The following SNAP29 variants were observed in gnomAD, a reference collection of about 807,000 sequenced individuals.
SNAP29 encodes the protein synaptosomal-associated protein 29.
SNAP29 carries 13 observed loss-of-function variants against 27.9 expected under a neutral mutation model. The ratio of observed to expected loss-of-function variants is 0.47; its 90% CI spans 0.30 to 0.74. The LOEUF (loss-of-function observed/expected upper bound fraction) is 0.74. Among genes scored for constraint, SNAP29 ranks in the 30% least tolerant of loss-of-function variants. The pLI is 0.06. For synonymous variants in SNAP29, 119 were observed against 127.1 expected, an observed-to-expected ratio of 0.94 and a Z score of 0.43; for missense variants, 368 against 336.5, an observed-to-expected ratio of 1.09 and a Z score of -0.73.
At chr22:20,877,902 A>G (rs572978393) in intron 2 of SNAP29, among the ~76,000 whole-genome samples, 36 of 152,170 alleles carry the variant, frequency 2.4e-4, no homozygotes, top group South Asian at 2.3e-3. Flanking sequence ...GTCTCTTCCT[A>G]CTCCCAGCAT....
chr22:20,869,077 G>A (rs954955712), intron 1 of SNAP29, among the ~76,000 whole-genome samples: 1 of 152,198 alleles, frequency 6.6e-6, no homozygotes, highest in African/African-American at 2.4e-5. Context: ...GGGCCAACAT[G>A]GTGAAACCCC....
intron 2 of SNAP29, 89 bp downstream of exon 2, chr22:20,870,622 T>A: frequency 8.2e-7 from 1 of 1,219,496 alleles, no homozygotes; most frequent in Non-Finnish European, 1.2e-6. Flanking sequence ...GTCAGTGCCA[T>A]GAAGGGATCC....
chr22:20,890,316 A>G lies in SNAP29; in HGVS notation c.*2480A>G, dbSNP rs1929119144. On this transcript the variant is annotated 3_prime_UTR_variant, in exon 5 of 5. Coordinates refer to ENST00000215730, the MANE Select transcript of SNAP29 (RefSeq NM_004782.4). ...TAGACACATTTCATGGAGACAAGCAAAATGGTGCCAGGGCTGGGCTGACTG... is the reference window on the plus strand; with the variant it reads ...TAGACACATTTCATGGAGACAAGCAGAATGGTGCCAGGGCTGGGCTGACTG... The G allele has an allele frequency of 2.5e-6, 1 of 398,514 alleles. No homozygotes were observed. Among genetic ancestry groups the G allele is most frequent in the African/African-American group, 2.1e-5 (1 of 48,638 alleles). 24.7% of individuals were successfully genotyped at this position (398,514 alleles called of 1,614,324 possible).
intron 2 of SNAP29, among the ~76,000 whole-genome samples, chr22:20,878,321 C>G (rs1252111141): frequency 1.3e-5 from 2 of 152,058 alleles, no homozygotes; most frequent in Non-Finnish European, 2.9e-5. Context: ...GCGGGCAGAT[C>G]ATGAGGTCAG....
intron 4 of SNAP29, among the ~76,000 whole-genome samples, chr22:20,887,224 CAA>C (rs947412288): frequency 7.7e-5 from 8 of 104,570 alleles, no homozygotes; most frequent in African/African-American, 3.6e-5. Context: ...AATGCTGTCT[CAA>C]AAAAAAAAAA....
chr22:20,878,431 A>T lies in SNAP29; in HGVS notation c.435-2618A>T, dbSNP rs143993401. 8.0e-3 allele frequency among the ~76,000 whole-genome samples: 1,213 copies of T among 152,152 alleles called. 12 individuals are homozygous for T. Among genetic ancestry groups the T allele is most frequent in the East Asian group, 0.054 (281 of 5,168 alleles). ...CCCTGTACTAAAAATACAAAAAATT[A>T]GCCGGGCGTGGTGGCGGGCGCCTGT... On this transcript the variant is annotated intron_variant, in intron 2 of 4. Coordinates refer to ENST00000215730, the MANE Select transcript of SNAP29 (RefSeq NM_004782.4).
At chr22:20,879,193 G>C (rs1207472000) in intron 2 of SNAP29, among the ~76,000 whole-genome samples, 2 of 151,998 alleles carry the variant, frequency 1.3e-5, no homozygotes, top group African/African-American at 2.4e-5. Context: ...TGTAGTCCCA[G>C]CTACTCAGGA....
At chr22:20,862,144 T>G (rs1451086268) in intron 1 of SNAP29, among the ~76,000 whole-genome samples, 1 of 152,198 alleles carries the variant, frequency 6.6e-6, no homozygotes, top group Non-Finnish European at 1.5e-5. Flanking sequence ...CCATTCTAAA[T>G]GGGAAGTCTT....
chr22:20,868,534 A>G (rs1206314681), intron 1 of SNAP29, among the ~76,000 whole-genome samples: 1 of 152,198 alleles, frequency 6.6e-6, no homozygotes, highest in African/African-American at 2.4e-5. Context: ...ATTTATTTAT[A>G]GTTGCATTTT....
chr22:20,866,827 A>C (rs1569115714), intron 1 of SNAP29, among the ~76,000 whole-genome samples: 1 of 152,206 alleles, frequency 6.6e-6, no homozygotes, highest in Non-Finnish European at 1.5e-5. Flanking sequence ...CTAACTTCTC[A>C]GTCTCTCCTC....
chr22:20,870,701 C>T (rs1295516642), intron 2 of SNAP29, 168 bp downstream of exon 2: 4 of 696,578 alleles, frequency 5.7e-6, no homozygotes, highest in African/African-American at 1.8e-5. Flanking sequence ...AACTGTTCTT[C>T]CCTGATCCCA....
chr22:20,881,442 G>A (rs563936273), intron 3 of SNAP29, among the ~76,000 whole-genome samples: 7 of 152,326 alleles, frequency 4.6e-5, no homozygotes, highest in South Asian at 2.1e-4. Context: ...AGTAACACAC[G>A]CCTGTAATCC....
chr22:20,873,732 C>T (rs1302574027), intron 2 of SNAP29, among the ~76,000 whole-genome samples: 1 of 151,670 alleles, frequency 6.6e-6, no homozygotes, highest in African/African-American at 2.4e-5. Context: ...CTTTGGGAGG[C>T]CGAGGCGGGT....
Position 20,859,007 on chromosome 22 carries a change from G to C in SNAP29, c.-104G>C. 7.3e-7 allele frequency: 1 copy of C among 1,364,428 alleles called. No homozygotes were observed. The highest frequency in any genetic ancestry group is 9.9e-7 in the Non-Finnish European group (1 of 1,011,072). The allele number at this position is 1,364,428 out of a possible 1,614,324, so 84.5% of individuals were successfully genotyped here. ...CACCTGCGCGCGACGCGCGGAAGGA[G>C]TTCGCGCGACGACCGCGGGGTCGGC... On this transcript the variant is annotated 5_prime_UTR_variant, in exon 1 of 5. Transcript: ENST00000215730.
rs754750519 is a variant in SNAP29, at chr22:20,859,102, G to A, written c.-9G>A. On this transcript the variant is annotated 5_prime_UTR_variant, in exon 1 of 5. Transcript: ENST00000215730. ...TTCTGTTTCCCAGACCGAGAGCCGC[G>A]CCGGCACCATGTCAGCTTACCCTAA... 3 of 1,593,964 alleles carry A rather than the reference G, an allele frequency of 1.9e-6. No homozygotes were observed. The highest frequency in any genetic ancestry group is 2.6e-6 in the Non-Finnish European group (3 of 1,166,638).
intron 4 of SNAP29, among the ~76,000 whole-genome samples, chr22:20,884,701 A>T (rs1928972716): frequency 6.6e-6 from 1 of 152,180 alleles, no homozygotes; most frequent in South Asian, 2.1e-4. Flanking sequence ...CCAGGACAGC[A>T]TGGGAGTGTT....
At chr22:20,884,024 T>C (rs543883334) in intron 4 of SNAP29, among the ~76,000 whole-genome samples, 2 of 152,234 alleles carry the variant, frequency 1.3e-5, no homozygotes, top group Non-Finnish European at 2.9e-5. Flanking sequence ...TCCAGCATGA[T>C]GTTTCAAAAC....
chr22:20,860,395 A>G (rs1928256289), intron 1 of SNAP29, among the ~76,000 whole-genome samples: 1 of 143,816 alleles, frequency 7.0e-6, no homozygotes. Context: ...TTTGAGATGG[A>G]ATCTCGCTCT....
At chr22:20,867,244 G>A (rs1160717904) in intron 1 of SNAP29, among the ~76,000 whole-genome samples, 1 of 152,172 alleles carries the variant, frequency 6.6e-6, no homozygotes, top group Non-Finnish European at 1.5e-5. Flanking sequence ...GAGGGCACCT[G>A]CGGAGCTCAC....
Sources: gnomAD v4.1 joint callset for allele counts (sites outside exome capture counted in the v4.1 genomes callset) on GRCh38, gnomAD v4.1.1 for gene constraint, MANE v1.5 for transcripts, NCBI Gene and HGNC (gene_info 2026-07-23, HGNC 2026-07-21) for gene names.